Variants in CSMD1 observed in about 807,000 individuals in gnomAD.
CSMD1 encodes CUB and sushi domain-containing protein 1.
A neutral mutation model predicts 417.5 loss-of-function variants in CSMD1; 213 were observed. The ratio of observed to expected loss-of-function variants is 0.51; its 90% CI spans 0.46 to 0.57. The LOEUF is 0.57. Among genes scored for constraint, CSMD1 ranks in the 20% least tolerant of loss-of-function variants. The pLI is 0.00. For missense variants in CSMD1, 6,923 were observed against 4,529.7 expected, an observed-to-expected ratio of 1.53 and a Z score of -15.17; for synonymous variants, 2,862 against 1,736.8, an observed-to-expected ratio of 1.65 and a Z score of -16.11.
intron 23 of CSMD1, among the ~76,000 whole-genome samples, chr8:3,333,420 G>C (rs1402373296): frequency 6.6e-6 from 1 of 152,158 alleles, no homozygotes; most frequent in East Asian, 1.9e-4. Context: ...TTAACTGTGG[G>C]AAAAACAAAC....
rs557640350 is a variant in CSMD1, at chr8:4,099,450, T to G, written c.416-67351A>C. ...CCACCACTCAGTTCTAATACACCATTCCTAAGCCTCCAACAATCATCTTCC... is the reference window on the plus strand; with the variant it reads ...CCACCACTCAGTTCTAATACACCATGCCTAAGCCTCCAACAATCATCTTCC... On this transcript the variant is annotated intron_variant, in intron 3 of 69. Coordinates refer to ENST00000635120, the MANE Select transcript of CSMD1 (RefSeq NM_033225.6). Among the ~76,000 whole-genome samples, 27 of 152,188 alleles carry G rather than the reference T, an allele frequency of 1.8e-4. 1 individual carries two copies. The East Asian group carries it at 4.8e-3, about 27-fold the overall frequency.
intron 12 of CSMD1, among the ~76,000 whole-genome samples, chr8:3,430,161 C>T (rs1340793681): frequency 6.6e-6 from 1 of 151,910 alleles, no homozygotes; most frequent in Non-Finnish European, 1.5e-5. Context: ...ATACACACAA[C>T]TATACTGGGA....
intron 26 of CSMD1, among the ~76,000 whole-genome samples, chr8:3,261,186 A>G (rs1019478675): frequency 1.3e-5 from 2 of 152,234 alleles, no homozygotes; most frequent in Non-Finnish European, 2.9e-5. Context: ...TGTAAATACC[A>G]TAGACAATTT....
In CSMD1 at chr8:4,012,411, T is replaced by A. The variant is rs79615699; in HGVS notation, c.611-14301A>T. Among the ~76,000 whole-genome samples, 178 of 152,264 alleles carry A rather than the reference T, an allele frequency of 1.2e-3. 5 individuals carry two copies. In the East Asian group the frequency reaches 0.031, roughly 26 times the overall value. ...TCTCATCCAGTTTGCGTCGCGTGGA[T>A]TTATTTTTATGTTTTATTCTTAACT... On this transcript the variant is annotated intron_variant, in intron 4 of 69. Coordinates refer to ENST00000635120, the MANE Select transcript of CSMD1 (RefSeq NM_033225.6).
intron 1 of CSMD1, among the ~76,000 whole-genome samples, chr8:4,894,087 C>A (rs1427519108): frequency 1.3e-5 from 2 of 151,914 alleles, no homozygotes; most frequent in East Asian, 3.9e-4. Context: ...AACTAGCTTA[C>A]CAAAAGTCTT....
chr8:4,656,630 C>G (rs1309054313), intron 1 of CSMD1, among the ~76,000 whole-genome samples: 1 of 151,404 alleles, frequency 6.6e-6, no homozygotes, highest in Non-Finnish European at 1.5e-5. Context: ...AAGGTGGTGA[C>G]TAATTTTAGT....
At chr8:4,135,693 G>C (rs1036770105) in intron 3 of CSMD1, among the ~76,000 whole-genome samples, 1 of 151,952 alleles carries the variant, frequency 6.6e-6, no homozygotes, top group Non-Finnish European at 1.5e-5. Context: ...TTATTAGTCA[G>C]GATATTATTA....
At position 4,383,381 on chromosome 8, in the gene CSMD1, T is replaced by C. The variant is rs940585649; in HGVS notation, c.415+36572A>G. Among the ~76,000 whole-genome samples, 18 of 152,312 alleles carry C rather than the reference T, an allele frequency of 1.2e-4. 1 individual carries two copies. Among genetic ancestry groups the C allele is most frequent in the Admixed American group, 8.5e-4 (13 of 15,268 alleles). On this transcript the variant is annotated intron_variant, in intron 3 of 69. Coordinates refer to ENST00000635120, the MANE Select transcript of CSMD1 (RefSeq NM_033225.6). ...TTCTTTTGCTTATGGAAATGTTTAC[T>C]TGGGGGCTACATTTACTACATGCCT...
At chr8:3,655,609 G>C (rs1798061305) in intron 7 of CSMD1, among the ~76,000 whole-genome samples, 1 of 151,640 alleles carries the variant, frequency 6.6e-6, no homozygotes, top group Non-Finnish European at 1.5e-5. Context: ...AGGCCCCTCA[G>C]GCAGGGCTGC....
At chr8:4,499,998 C>G (rs1364049959) in intron 2 of CSMD1, among the ~76,000 whole-genome samples, 5 of 151,734 alleles carry the variant, frequency 3.3e-5, no homozygotes, top group Non-Finnish European at 5.9e-5. Flanking sequence ...CAGAGGACAT[C>G]CACAAGAGAG....
chr8:4,028,320 A>C (rs565832569), intron 4 of CSMD1, among the ~76,000 whole-genome samples: 1 of 152,284 alleles, frequency 6.6e-6, no homozygotes, highest in Non-Finnish European at 1.5e-5. Context: ...CTATAATATG[A>C]ATCTTTAATA....
chr8:4,827,157 A>G (rs1036626670), intron 1 of CSMD1, among the ~76,000 whole-genome samples: 7 of 152,180 alleles, frequency 4.6e-5, no homozygotes, highest in African/African-American at 1.7e-4. Flanking sequence ...GAAAACAGGT[A>G]TACTAGCAAA....
intron 10 of CSMD1, among the ~76,000 whole-genome samples, chr8:3,542,958 G>A (rs1038379240): frequency 6.6e-6 from 1 of 152,114 alleles, no homozygotes; most frequent in African/African-American, 2.4e-5. Context: ...CGCTGGCAGT[G>A]AATATGGGGC....
chr8:4,094,417 G>A (rs1212844263), intron 3 of CSMD1, among the ~76,000 whole-genome samples: 1 of 152,088 alleles, frequency 6.6e-6, no homozygotes, highest in African/African-American at 2.4e-5. Flanking sequence ...AAGGCAGGGC[G>A]GTCAGGTGTG....
At chr8:4,639,485 T>C (rs1803064538) in intron 1 of CSMD1, among the ~76,000 whole-genome samples, 1 of 152,166 alleles carries the variant, frequency 6.6e-6, no homozygotes, top group South Asian at 2.1e-4. Context: ...TTGTCTGAGG[T>C]TAGCTGTTAA....
chr8:3,896,615 C>T (rs1280767956), intron 5 of CSMD1, among the ~76,000 whole-genome samples: 1 of 151,988 alleles, frequency 6.6e-6, no homozygotes, highest in Non-Finnish European at 1.5e-5. Context: ...AGGTTCACGC[C>T]ATTCTCCTGC....
At chr8:4,492,351 C>G (rs1801747459) in intron 2 of CSMD1, among the ~76,000 whole-genome samples, 1 of 152,124 alleles carries the variant, frequency 6.6e-6, no homozygotes, top group African/African-American at 2.4e-5. Flanking sequence ...AATTTAAACA[C>G]ATATTACTAA....
At chr8:3,740,830 G>C (rs771186315) in intron 6 of CSMD1, among the ~76,000 whole-genome samples, 1 of 152,180 alleles carries the variant, frequency 6.6e-6, no homozygotes, top group African/African-American at 2.4e-5. Flanking sequence ...GCAGGCAACA[G>C]AGTGCCCAGT....
At chr8:4,316,242 G>C (rs146779088) in intron 3 of CSMD1, among the ~76,000 whole-genome samples, 11 of 152,238 alleles carry the variant, frequency 7.2e-5, no homozygotes, top group Non-Finnish European at 1.2e-4. Context: ...TCTTCCATTT[G>C]TAGTGATTTT....
Sources: gnomAD v4.1 joint callset for allele counts (sites outside exome capture counted in the v4.1 genomes callset) on GRCh38, gnomAD v4.1.1 for gene constraint, MANE v1.5 for transcripts, NCBI Gene and HGNC (gene_info 2026-07-23, HGNC 2026-07-21) for gene names.